The following TRIM23 variants were observed in gnomAD, a reference collection of about 807,000 sequenced individuals.
The protein encoded by TRIM23 is E3 ubiquitin-protein ligase TRIM23.
A neutral mutation model predicts 71.0 loss-of-function variants in TRIM23; 27 were observed. The observed-to-expected ratio is 0.38, with a 90% confidence interval of 0.28 to 0.52. TRIM23 has a LOEUF of 0.52. Among genes scored for constraint, TRIM23 ranks in the 20% least tolerant of loss-of-function variants. TRIM23 has a pLI of 0.84. For synonymous variants in TRIM23, 234 were observed against 238.0 expected (o/e 0.98, Z 0.16); for missense variants, 482 against 692.3 (o/e 0.70, Z 3.41).
At chr5:65,595,485 G>A (rs1387428519) in intron 9 of TRIM23, among the ~76,000 whole-genome samples, 2 of 151,198 alleles carry the variant, frequency 1.3e-5, no homozygotes, top group African/African-American at 4.9e-5. Flanking sequence ...GTGAACCTGG[G>A]AGGCGGAGCT....
intron 10 of TRIM23, 100 bp downstream of exon 10, chr5:65,594,421 T>C (rs1754136056): frequency 2.9e-6 from 4 of 1,375,494 alleles, no homozygotes; most frequent in Non-Finnish European, 3.9e-6. Context: ...GAAGAAACTA[T>C]AAATATCTAT....
Position 65,602,637 on chromosome 5 carries a change from T to C in TRIM23, c.1179+2274A>G, listed in dbSNP as rs187795794. ...CATTTTCACGCTGCTGATAAGGACA[T>C]ACCCGAAACTGGGAACAAAAAGAGG... On this transcript the variant is annotated intron_variant, in intron 7 of 10. Coordinates refer to ENST00000231524, the MANE Select transcript of TRIM23 (RefSeq NM_001656.4). Among the ~76,000 whole-genome samples the C allele has an allele frequency of 2.6e-5, 4 of 152,248 alleles. No individual in the cohort carries two copies. The East Asian group carries it at 5.8e-4, about 22-fold the overall frequency.
rs553794515 is a variant in TRIM23, at chr5:65,611,333, T to C, written c.645+270A>G. 2.2e-3 allele frequency among the ~76,000 whole-genome samples: 330 copies of C among 152,188 alleles called. 1 individual carries two copies. The highest frequency in any genetic ancestry group is 3.8e-3 in the Non-Finnish European group (258 of 67,994). On this transcript the variant is annotated intron_variant, in intron 4 of 10. Transcript: ENST00000231524. The stretch of plus-strand genomic sequence containing the variant: ...ATATTGTCAAAACAATCTGGTGCAT[T>C]ATGAAAACATGCAAGCAAACAGAAT...
At chr5:65,600,730 A>G (rs1382461223) in intron 7 of TRIM23, among the ~76,000 whole-genome samples, 1 of 152,156 alleles carries the variant, frequency 6.6e-6, no homozygotes, top group African/African-American at 2.4e-5. Flanking sequence ...ATGGGAGAAA[A>G]TATTTGAAAG....
intron 9 of TRIM23, among the ~76,000 whole-genome samples, chr5:65,596,098 T>C (rs1754197403): frequency 6.6e-6 from 1 of 152,210 alleles, no homozygotes; most frequent in Non-Finnish European, 1.5e-5. Context: ...TTCAACTCTA[T>C]ACCACTACGC....
chr5:65,623,380 C>T (rs990295002), intron 1 of TRIM23, among the ~76,000 whole-genome samples: 1 of 152,162 alleles, frequency 6.6e-6, no homozygotes, highest in African/African-American at 2.4e-5. Flanking sequence ...TTATCAATCT[C>T]TTAGATTAGA....
intron 7 of TRIM23, 83 bp from the exon 8 acceptor site, chr5:65,597,263 C>T (rs1754233129): frequency 7.4e-7 from 1 of 1,345,608 alleles, no homozygotes; most frequent in South Asian, 1.3e-5. Context: ...TCTACATCTC[C>T]TATTCATTCC....
At chr5:65,609,491 T>C (rs1382023607) in intron 5 of TRIM23, 33 bp from the exon 6 acceptor site, 3 of 1,578,248 alleles carry the variant, frequency 1.9e-6, no homozygotes, top group Non-Finnish European at 2.6e-6. Flanking sequence ...TAAGCAACTG[T>C]AATGTTAATA....
chr5:65,597,230 T>C (rs750051155), intron 7 of TRIM23, 50 bp from the exon 8 acceptor site: 3 of 1,561,830 alleles, frequency 1.9e-6, no homozygotes, highest in Admixed American at 1.7e-5. Flanking sequence ...TAGAAAGTAA[T>C]AGCATTTAGC....
Position 65,590,171 on chromosome 5 carries a change from T to C in TRIM23, c.*1598A>G. 3.2e-6 allele frequency: 2 copies of C among 619,708 alleles called. No homozygotes were observed. The highest frequency in any genetic ancestry group is 5.5e-6 in the Non-Finnish European group (2 of 363,158). 38.4% of individuals were successfully genotyped at this position (619,708 alleles called of 1,614,324 possible). Reference sequence around the variant, plus strand: ...TTTCTTCAATTAACTAGTAAACAGTTCAAGTTCTCACAAGCAATACAACAC... The same window carrying C: ...TTTCTTCAATTAACTAGTAAACAGTCCAAGTTCTCACAAGCAATACAACAC... On this transcript the variant is annotated 3_prime_UTR_variant, in exon 11 of 11. Coordinates refer to ENST00000231524, the MANE Select transcript of TRIM23 (RefSeq NM_001656.4).
intron 1 of TRIM23, among the ~76,000 whole-genome samples, chr5:65,620,509 G>T (rs528128754): frequency 2.0e-5 from 3 of 152,238 alleles, no homozygotes; most frequent in Admixed American, 2.0e-4. Flanking sequence ...TACACAGAAT[G>T]ATTTCATATG....
Position 65,610,914 on chromosome 5 carries a change from C to T in TRIM23, c.775G>A (p.Glu259Lys). The T allele has an allele frequency of 6.2e-7, 1 of 1,613,588 alleles. No individual in the cohort carries two copies. Among genetic ancestry groups the T allele is most frequent in the Non-Finnish European group, 8.5e-7 (1 of 1,179,834 alleles). ...TCTTCCACGATTTGTTCTCCTCCTT[C>T]AATGTGCTGCACAATTCCAACTAAT... is the stretch of plus-strand genomic sequence containing the variant. ...RKLVGIVQHIEGGEQIVEDGI... is the reference protein window; with the variant it reads ...RKLVGIVQHIKGGEQIVEDGI... The change falls in exon 5 of 11, where the codon GAA (glutamate) becomes AAA (lysine). Residue 259 changes from glutamate (E) to lysine (K), a missense_variant. Transcript: ENST00000231524.
chr5:65,604,615 CAT>C (rs1430333304), intron 7 of TRIM23: 2 of 203,794 alleles, frequency 9.8e-6, no homozygotes, highest in Non-Finnish European at 1.9e-5. Flanking sequence ...TTATATATAC[CAT>C]ATATATACCA....
At chr5:65,611,543 C>T (rs1754650067) in intron 4 of TRIM23, 60 bp downstream of exon 4, 10 of 1,549,834 alleles carry the variant, frequency 6.5e-6, no homozygotes, top group East Asian at 2.3e-5. Flanking sequence ...TCAGTGAAAA[C>T]GAATACTGAG....
At chr5:65,593,325 C>T (rs1161528904) in intron 10 of TRIM23, among the ~76,000 whole-genome samples, 1 of 152,024 alleles carries the variant, frequency 6.6e-6, no homozygotes, top group Non-Finnish European at 1.5e-5. Context: ...ATCCCAGCTA[C>T]TTGGGAGGCT....
chr5:65,595,557 C>CAAA (rs34701696), intron 9 of TRIM23, among the ~76,000 whole-genome samples: 2 of 93,514 alleles, frequency 2.1e-5, no homozygotes, highest in Admixed American at 2.5e-4. Context: ...GACTCGATCT[C>CAAA]AAAAAAAAAA....
intron 7 of TRIM23, among the ~76,000 whole-genome samples, chr5:65,604,273 T>A (rs1754438018): frequency 1.3e-5 from 2 of 152,088 alleles, no homozygotes; most frequent in African/African-American, 2.4e-5. Flanking sequence ...TTTTGTACTT[T>A]TAGTAGAGAT....
At chr5:65,618,948 TTC>T (rs1436896847) in intron 1 of TRIM23, among the ~76,000 whole-genome samples, 1 of 152,246 alleles carries the variant, frequency 6.6e-6, no homozygotes, top group Non-Finnish European at 1.5e-5. Flanking sequence ...TATCAGCATA[TTC>T]TGATTCTCAA....
chr5:65,593,810 T>C (rs1025812101), intron 10 of TRIM23, among the ~76,000 whole-genome samples: 1 of 152,168 alleles, frequency 6.6e-6, no homozygotes, highest in Non-Finnish European at 1.5e-5. Context: ...TAATTCAGGC[T>C]CTTGTTAATG....
Sources: gnomAD v4.1 joint callset for allele counts (sites outside exome capture counted in the v4.1 genomes callset) on GRCh38, gnomAD v4.1.1 for gene constraint, MANE v1.5 for transcripts, NCBI Gene and HGNC (gene_info 2026-07-23, HGNC 2026-07-21) for gene names.